Variants in NLRP5 observed in about 807,000 individuals in gnomAD.
NLRP5 encodes NACHT, LRR and PYD domains-containing protein 5.
NLRP5 carries 93 observed loss-of-function variants against 113.1 expected under a neutral mutation model. The observed-to-expected ratio is 0.82, with a 90% CI of 0.70 to 0.98. The LOEUF is 0.98. NLRP5 is among the 50% of genes least tolerant of loss of function. The pLI is 0.00. For missense variants in NLRP5, 1,808 were observed against 1,514.3 expected (o/e 1.19, Z -3.22); for synonymous variants, 751 against 600.7 (o/e 1.25, Z -3.66).
rs189119491 is a variant in NLRP5, at chr19:56,048,699, G to A, written c.2958-1719G>A. On this transcript the variant is annotated intron_variant, in intron 11 of 14. Coordinates refer to ENST00000390649, the MANE Select transcript of NLRP5 (RefSeq NM_153447.4). Reference sequence around the variant, plus strand: ...TAAGCTGATGACAATGTGCCTAGGTGAAGATCTTTTTGTGATTAATTTCCT... The same window carrying A: ...TAAGCTGATGACAATGTGCCTAGGTAAAGATCTTTTTGTGATTAATTTCCT... Among the ~76,000 whole-genome samples the A allele has an allele frequency of 2.5e-3, 377 of 152,202 alleles. 1 individual carries two copies. The highest frequency in any genetic ancestry group is 0.017 in the Middle Eastern group (5 of 294).
Position 56,004,169 on chromosome 19 carries a change from T to C in NLRP5, c.442+74T>C. The C allele has an allele frequency of 2.0e-6, 3 of 1,483,024 alleles. No individual in the cohort carries two copies. In the South Asian group the frequency reaches 4.0e-5, roughly 20 times the overall value. The allele number at this position is 1,483,024 out of a possible 1,614,324, so 91.9% of individuals were successfully genotyped here. A position where few individuals can be genotyped will look rare whatever the true frequency, so the allele number is the denominator to read the frequency against. On this transcript the variant is annotated intron_variant, in intron 2 of 14. Coordinates refer to ENST00000390649, the MANE Select transcript of NLRP5 (RefSeq NM_153447.4). ...AGGTTCTCATGGGAACAGGGAAGAA[T>C]CGTTGTTCAGTAACCGGCTCCACCT...
At chr19:56,024,088 G>T (rs1197817562) in intron 6 of NLRP5, among the ~76,000 whole-genome samples, 1 of 151,950 alleles carries the variant, frequency 6.6e-6, no homozygotes, top group South Asian at 2.1e-4. Context: ...AAAACTAAAT[G>T]CATAAAAGAG....
At chr19:55,988,118 C>A in the NLRP5 span, 1 of 468,464 alleles carries the variant, frequency 2.1e-6, no homozygotes, top group Non-Finnish European at 3.9e-6. Flanking sequence ...TAAGGCTGGG[C>A]GTGGTGGCTC....
chr19:55,995,817 T>C (rs1474168329), upstream of NLRP5, among the ~76,000 whole-genome samples: 3 of 152,182 alleles, frequency 2.0e-5, no homozygotes, highest in African/African-American at 7.2e-5. Context: ...AATTTATTTC[T>C]AGGTACATTT....
intron 13 of NLRP5, among the ~76,000 whole-genome samples, chr19:56,057,579 C>A (rs1013337124): frequency 6.6e-6 from 1 of 152,154 alleles, no homozygotes; most frequent in Non-Finnish European, 1.5e-5. Flanking sequence ...TGCAGTGTTG[C>A]TTTCTCTGCA....
intron 3 of NLRP5, among the ~76,000 whole-genome samples, chr19:56,013,892 G>T (rs1322725572): frequency 6.6e-6 from 1 of 151,886 alleles, no homozygotes; most frequent in Non-Finnish European, 1.5e-5. Context: ...GTTTTGATTT[G>T]AATTTCCCTA....
intron 3 of NLRP5, among the ~76,000 whole-genome samples, chr19:56,010,101 C>A (rs1982123389): frequency 6.6e-6 from 1 of 152,156 alleles, no homozygotes; most frequent in Non-Finnish European, 1.5e-5. Context: ...GGGGGTCTTG[C>A]CATCAGCCAC....
intron 7 of NLRP5, among the ~76,000 whole-genome samples, chr19:56,029,826 G>A (rs1983023212): frequency 1.3e-5 from 2 of 151,750 alleles, no homozygotes; most frequent in Non-Finnish European, 2.9e-5. Flanking sequence ...GGAGGCTGAG[G>A]TGGGTGGATC....
intron 5 of NLRP5, among the ~76,000 whole-genome samples, chr19:56,019,969 T>A (rs1027421789): frequency 1.3e-5 from 2 of 151,790 alleles, no homozygotes; most frequent in Non-Finnish European, 2.9e-5. Context: ...CCCGAGTAGC[T>A]GGGATTACAG....
chr19:55,997,652 T>TA (rs1223195581), upstream of NLRP5, among the ~76,000 whole-genome samples: 1 of 151,964 alleles, frequency 6.6e-6, no homozygotes, highest in Non-Finnish European at 1.5e-5. Context: ...GCCAACATGG[T>TA]AAAACCCCAT....
At position 56,014,117 on chromosome 19, in the gene NLRP5, C is replaced by T. The variant is rs372587973; in HGVS notation, c.509-1625C>T. On this transcript the variant is annotated intron_variant, in intron 3 of 14. Transcript: ENST00000390649. ...GCTGATACTGTCCTTTGAAGCACAG[C>T]GGGCTTTTATTTTACAAGACAAATT... Among the ~76,000 whole-genome samples, 36 of 152,164 alleles carry T rather than the reference C, an allele frequency of 2.4e-4. 2 individuals carry two copies. In the South Asian group the frequency reaches 5.4e-3, roughly 23 times the overall value.
rs373747006 is a variant in NLRP5, at chr19:56,061,444, A to G, written c.3519A>G (p.Glu1173=). 1.4e-5 allele frequency: 23 copies of G among 1,613,788 alleles called. No individual in the cohort carries two copies. The African/African-American group carries it at 2.0e-4, about 14-fold the overall frequency. ...TGCAAATAAGGAAGCTGCTGGAGGA[A>G]GTGCAGCTACTCAAGCCCCGAGTCG... The change falls in exon 15 of 15, where the codon GAA becomes GAG. Residue 1173 remains glutamate, a synonymous_variant. Transcript: ENST00000390649.
intron 2 of NLRP5, among the ~76,000 whole-genome samples, chr19:56,006,214 G>A (rs1568482213): frequency 6.6e-6 from 1 of 152,074 alleles, no homozygotes; most frequent in Non-Finnish European, 1.5e-5. Context: ...TCATAGGTGG[G>A]AATTGAACAA....
rs758113283 is a variant in NLRP5, at chr19:56,055,533, CTGTCTTTTT to C, written c.3299+1727_3299+1735del. 3.8e-3 allele frequency among the ~76,000 whole-genome samples: 380 copies of C among 99,542 alleles called. 16 individuals carry two copies. Among genetic ancestry groups the C allele is most frequent in the Non-Finnish European group, 5.5e-3 (265 of 48,258 alleles). The allele number at this position is 99,542 out of a possible 152,430, so 65.3% of individuals were successfully genotyped here. On this transcript the variant is annotated intron_variant, in intron 13 of 14. Transcript: ENST00000390649. The stretch of plus-strand genomic sequence containing the variant: ...AGCTCCATGTTCTATTTTTCTTTCT[CTGTCTTTTT>C]TTTTTTTTTTTTTTTTTTTTTAAGA...
At chr19:56,021,442 T>C (rs1982613673) in intron 6 of NLRP5, among the ~76,000 whole-genome samples, 1 of 152,124 alleles carries the variant, frequency 6.6e-6, no homozygotes, top group Non-Finnish European at 1.5e-5. Flanking sequence ...ACATTTTTTT[T>C]CTCCCAAAAA....
chr19:56,024,431 A>G (rs1209903957), intron 6 of NLRP5, among the ~76,000 whole-genome samples: 1 of 126,820 alleles, frequency 7.9e-6, no homozygotes, highest in Non-Finnish European at 1.7e-5. Context: ...TTATATATAC[A>G]CATATACATA....
In NLRP5 at chr19:56,032,627, C is replaced by T; in HGVS notation, c.2293C>T (p.Leu765Phe). 6.2e-7 allele frequency: 1 copy of T among 1,613,526 alleles called. No homozygotes were observed. The highest frequency in any genetic ancestry group is 8.5e-7 in the Non-Finnish European group (1 of 1,179,684). ...CTGACATAGGATGCGGGATAAGACC[C>T]TCATTGAGGAGCAGTGGGAAGATTT... Residue 765 changes from leucine to phenylalanine, a missense_variant, in exon 8 of 15, where the codon CTC (leucine) becomes TTC (phenylalanine). Coordinates refer to ENST00000390649, the MANE Select transcript of NLRP5 (RefSeq NM_153447.4).
chr19:56,054,583 A>C (rs1291727949), intron 13 of NLRP5, among the ~76,000 whole-genome samples: 1 of 132,232 alleles, frequency 7.6e-6, no homozygotes, highest in African/African-American at 2.8e-5. Flanking sequence ...AAAAAAAAAA[A>C]ACGTGCTGAT....
At chr19:56,019,913 T>G (rs1008519102) in intron 5 of NLRP5, among the ~76,000 whole-genome samples, 1 of 151,426 alleles carries the variant, frequency 6.6e-6, no homozygotes, top group Admixed American at 6.6e-5. Context: ...CTCAGCTCAG[T>G]GCAACCTCTG....
Sources: allele counts gnomAD v4.1 joint callset (sites outside exome capture counted in the v4.1 genomes callset), GRCh38; gene constraint gnomAD v4.1.1; transcripts MANE v1.5; gene names NCBI Gene and HGNC (gene_info 2026-07-23, HGNC 2026-07-21).